The following MIPOL1 variants were observed in gnomAD, a reference collection of about 807,000 sequenced individuals.
MIPOL1 encodes mirror-image polydactyly gene 1 protein.
Under a neutral mutation model 60.9 loss-of-function variants are expected in MIPOL1, and 57 were observed. The observed-to-expected ratio is 0.94, with a 90% CI of 0.76 to 1.17. The LOEUF (loss-of-function observed/expected upper bound fraction) is 1.17, where lower values mean the gene tolerates loss of function less well. MIPOL1 is among the 50% of genes most tolerant of loss of function. The probability of loss-of-function intolerance (pLI) is 0.00; values close to 1 mark genes in which losing one functional copy is unlikely to be tolerated. For missense variants in MIPOL1, 551 were observed against 511.6 expected (o/e 1.08, Z -0.74); for synonymous variants, 179 against 168.8 (o/e 1.06, Z -0.47).
Position 37,474,713 on chromosome 14 carries a change from A to G in MIPOL1, c.1032-25195A>G, listed in dbSNP as rs150935158. On this transcript the variant is annotated intron_variant, in intron 11 of 12. Coordinates refer to ENST00000684589, the MANE Select transcript of MIPOL1 (RefSeq NM_001388067.1). The stretch of plus-strand genomic sequence containing the variant: ...TAGCTTTGAAAGAATCTGTCAAACT[A>G]TCTTTCAAAGTGGTTATACTATTTT... 2.6e-3 allele frequency among the ~76,000 whole-genome samples: 400 copies of G among 152,334 alleles called. 1 individual carries two copies. The highest frequency in any genetic ancestry group is 6.2e-3 in the East Asian group (32 of 5,180).
chr14:37,412,648 T>C (rs1027935670), intron 10 of MIPOL1, among the ~76,000 whole-genome samples: 1 of 152,078 alleles, frequency 6.6e-6, no homozygotes, highest in Non-Finnish European at 1.5e-5. Context: ...GATGGTTACC[T>C]TTAGTGAAGG....
At chr14:37,522,707 C>G (rs1353573162) in intron 12 of MIPOL1, among the ~76,000 whole-genome samples, 5 of 152,070 alleles carry the variant, frequency 3.3e-5, no homozygotes, top group Admixed American at 2.6e-4. Context: ...TATATTGACT[C>G]TGAAAACGTT....
At position 37,302,385 on chromosome 14, in the gene MIPOL1, T is replaced by C. The variant is rs180752819; in HGVS notation, c.624-5671T>C. The stretch of plus-strand genomic sequence containing the variant: ...ATCATATTGAGCATCTTTTTATATG[T>C]TTATTTTTCATCTGCATATCTTCTT... On this transcript the variant is annotated intron_variant, in intron 7 of 12. Transcript: ENST00000684589. 5.7e-4 allele frequency among the ~76,000 whole-genome samples: 86 copies of C among 151,738 alleles called. No homozygotes were observed. In the Middle Eastern group the frequency reaches 0.014, roughly 24 times the overall value.
At chr14:37,217,671 A>T (rs1266345075) in intron 1 of MIPOL1, among the ~76,000 whole-genome samples, 3 of 152,214 alleles carry the variant, frequency 2.0e-5, no homozygotes, top group African/African-American at 4.8e-5. Context: ...CGCTGAAAAG[A>T]TTTGATAAAA....
At chr14:37,383,943 T>A (rs2092996303) in intron 10 of MIPOL1, among the ~76,000 whole-genome samples, 1 of 151,890 alleles carries the variant, frequency 6.6e-6, no homozygotes, top group South Asian at 2.1e-4. Flanking sequence ...CAGCTCATCA[T>A]GGCAGAGGAA....
chr14:37,440,870 A>G (rs1216500692), intron 11 of MIPOL1, among the ~76,000 whole-genome samples: 1 of 152,282 alleles, frequency 6.6e-6, no homozygotes, highest in East Asian at 1.9e-4. Flanking sequence ...CCTAATTTAC[A>G]TTCCCACCAA....
intron 9 of MIPOL1, among the ~76,000 whole-genome samples, chr14:37,361,809 A>C (rs920408294): frequency 6.6e-6 from 1 of 151,732 alleles, no homozygotes; most frequent in Non-Finnish European, 1.5e-5. Context: ...GGGTTGCACC[A>C]TGTTAGCCAG....
intron 9 of MIPOL1, among the ~76,000 whole-genome samples, chr14:37,345,367 A>G (rs1348134539): frequency 6.6e-6 from 1 of 152,226 alleles, no homozygotes; most frequent in East Asian, 1.9e-4. Flanking sequence ...TGCCTCCCAA[A>G]GTTCTGGGAT....
At chr14:37,248,529 G>C (rs1186066299) in intron 3 of MIPOL1, among the ~76,000 whole-genome samples, 2 of 152,028 alleles carry the variant, frequency 1.3e-5, no homozygotes, top group Non-Finnish European at 2.9e-5. Flanking sequence ...TACAGAGAAA[G>C]AGATGTACAT....
At chr14:37,410,854 A>G (rs554055932) in intron 10 of MIPOL1, among the ~76,000 whole-genome samples, 5 of 152,218 alleles carry the variant, frequency 3.3e-5, no homozygotes, top group African/African-American at 1.2e-4. Context: ...ATAGGGGGAA[A>G]TGGGATGATA....
chr14:37,526,179 G>A (rs1282634947), intron 12 of MIPOL1, among the ~76,000 whole-genome samples: 4 of 150,452 alleles, frequency 2.7e-5, no homozygotes, highest in Non-Finnish European at 5.9e-5. Context: ...TCTGTAGTCA[G>A]TGTAGTTGTA....
At chr14:37,335,287 C>G (rs2153457375) in intron 9 of MIPOL1, among the ~76,000 whole-genome samples, 1 of 152,124 alleles carries the variant, frequency 6.6e-6, no homozygotes, top group South Asian at 2.1e-4. Context: ...ATATACATAA[C>G]ATAAAATTTA....
chr14:37,445,360 T>C (rs1595805934), intron 11 of MIPOL1, among the ~76,000 whole-genome samples: 1 of 152,204 alleles, frequency 6.6e-6, no homozygotes. Flanking sequence ...GAATCCAACT[T>C]ACAAGGGACA....
At chr14:37,500,203 G>A in intron 12 of MIPOL1, 65 bp downstream of exon 12, 2 of 1,074,060 alleles carry the variant, frequency 1.9e-6, no homozygotes, top group Non-Finnish European at 2.7e-6. Context: ...CTTTCTTTTG[G>A]GAACTAAACA....
At chr14:37,402,960 C>CG (rs1343218366) in intron 10 of MIPOL1, among the ~76,000 whole-genome samples, 2 of 152,130 alleles carry the variant, frequency 1.3e-5, no homozygotes, top group African/African-American at 4.8e-5. Context: ...GCTTGTTAGG[C>CG]GGTAGCCACA....
intron 1 of MIPOL1, among the ~76,000 whole-genome samples, chr14:37,223,974 A>G (rs1372253617): frequency 6.6e-6 from 1 of 152,158 alleles, no homozygotes; most frequent in East Asian, 1.9e-4. Flanking sequence ...CAACAGTTTT[A>G]TTTTGGAGAT....
intron 11 of MIPOL1, among the ~76,000 whole-genome samples, chr14:37,437,438 A>C (rs2094179070): frequency 6.6e-6 from 1 of 152,166 alleles, no homozygotes; most frequent in Non-Finnish European, 1.5e-5. Context: ...TTACATGAAA[A>C]AAGGTGAAAA....
intron 11 of MIPOL1, among the ~76,000 whole-genome samples, chr14:37,462,873 TA>T (rs2094555665): frequency 2.0e-5 from 3 of 152,194 alleles, no homozygotes; most frequent in Non-Finnish European, 2.9e-5. Context: ...AACAAGTCTC[TA>T]GGAAGTTCCA....
intron 6 of MIPOL1, chr14:37,276,213 C>T (rs974637231): frequency 6.6e-6 from 1 of 150,886 alleles, no homozygotes; most frequent in Non-Finnish European, 1.5e-5. Flanking sequence ...TTTGATTTTT[C>T]TCTTTAAACA....
Sources: gnomAD v4.1 joint callset for allele counts (sites outside exome capture counted in the v4.1 genomes callset) on GRCh38, gnomAD v4.1.1 for gene constraint, MANE v1.5 for transcripts, NCBI Gene and HGNC (gene_info 2026-07-23, HGNC 2026-07-21) for gene names.